EYA4: variants seen among roughly 807,000 people sequenced by gnomAD.
EYA4 encodes the protein EYA transcriptional coactivator and phosphatase 4, also known as protein phosphatase EYA4.
Under a neutral mutation model 87.9 loss-of-function variants are expected in EYA4, and 31 were observed. The ratio of observed to expected loss-of-function variants is 0.35; its 90% confidence interval spans 0.27 to 0.48. EYA4 has a LOEUF of 0.48. EYA4 is among the 20% of genes least tolerant of loss of function. The pLI is 0.99. For synonymous variants in EYA4, 263 were observed against 270.6 expected, an observed-to-expected ratio of 0.97 and a Z score of 0.28; for missense variants, 678 against 761.4, an observed-to-expected ratio of 0.89 and a Z score of 1.29.
intron 2 of EYA4, among the ~76,000 whole-genome samples, chr6:133,306,285 G>A (rs1258883316): frequency 2.6e-5 from 4 of 152,142 alleles, no homozygotes; most frequent in African/African-American, 9.7e-5. Flanking sequence ...TTCTTGCTGA[G>A]TAGATCACCC....
intron 1 of EYA4, among the ~76,000 whole-genome samples, chr6:133,253,309 C>G: frequency 6.6e-6 from 1 of 152,092 alleles, no homozygotes; most frequent in East Asian, 1.9e-4. Flanking sequence ...ACAGGTCCAT[C>G]CAGGCACTTT....
intron 1 of EYA4, among the ~76,000 whole-genome samples, chr6:133,268,909 A>G (rs1776451389): frequency 6.6e-6 from 1 of 152,142 alleles, no homozygotes; most frequent in Non-Finnish European, 1.5e-5. Flanking sequence ...CTGTCCCAAC[A>G]CAAAAACACC....
intron 14 of EYA4, among the ~76,000 whole-genome samples, chr6:133,507,603 C>T (rs1798759737): frequency 6.6e-6 from 1 of 152,252 alleles, no homozygotes; most frequent in East Asian, 1.9e-4. Flanking sequence ...TCAACTCCCA[C>T]TTATGAGTGA....
At chr6:133,265,525 G>T (rs904343303) in intron 1 of EYA4, among the ~76,000 whole-genome samples, 1 of 152,090 alleles carries the variant, frequency 6.6e-6, no homozygotes, top group African/African-American at 2.4e-5. Flanking sequence ...AAAACTAAAT[G>T]TTAAAGGAAT....
At chr6:133,267,049 G>A (rs1162813341) in intron 1 of EYA4, among the ~76,000 whole-genome samples, 1 of 152,132 alleles carries the variant, frequency 6.6e-6, no homozygotes, top group African/African-American at 2.4e-5. Context: ...ATCTGTAGAA[G>A]AAGTGAAAGA....
chr6:133,302,238 A>G (rs1422300959), intron 2 of EYA4, among the ~76,000 whole-genome samples: 1 of 152,140 alleles, frequency 6.6e-6, no homozygotes, highest in Non-Finnish European at 1.5e-5. Context: ...TTTTAAATAA[A>G]TAAATAAACC....
intron 11 of EYA4, among the ~76,000 whole-genome samples, chr6:133,476,448 ACTT>A (rs375727687): frequency 1.4e-3 from 219 of 151,924 alleles, no homozygotes; most frequent in African/African-American, 4.6e-3. Flanking sequence ...CATCTTACTC[ACTT>A]CTTCTACGAG....
intron 2 of EYA4, among the ~76,000 whole-genome samples, chr6:133,362,482 T>G (rs987793374): frequency 6.6e-6 from 1 of 152,162 alleles, no homozygotes; most frequent in African/African-American, 2.4e-5. Context: ...ATTCTTTTGG[T>G]GAAGCAGTGA....
chr6:133,386,142 A>G (rs1056207541), intron 3 of EYA4, among the ~76,000 whole-genome samples: 1 of 152,188 alleles, frequency 6.6e-6, no homozygotes, highest in Non-Finnish European at 1.5e-5. Flanking sequence ...GAAAAACAAA[A>G]TTAATATCCT....
intron 13 of EYA4, among the ~76,000 whole-genome samples, chr6:133,503,264 C>A (rs958668881): frequency 6.6e-6 from 1 of 152,118 alleles, no homozygotes; most frequent in Non-Finnish European, 1.5e-5. Flanking sequence ...AAGTAACAAT[C>A]AAAAGGAACA....
chr6:133,420,303 G>C (rs1790108702), intron 3 of EYA4, among the ~76,000 whole-genome samples: 1 of 152,220 alleles, frequency 6.6e-6, no homozygotes, highest in South Asian at 2.1e-4. Context: ...ACTATAGAAA[G>C]AAGGGGTACC....
At chr6:133,467,125 T>C (rs779772296) in intron 10 of EYA4, among the ~76,000 whole-genome samples, 1 of 152,094 alleles carries the variant, frequency 6.6e-6, no homozygotes, top group Non-Finnish European at 1.5e-5. Context: ...CTTTGAGATA[T>C]GTTTGAATAT....
At chr6:133,417,874 A>G (rs371446888) in intron 3 of EYA4, among the ~76,000 whole-genome samples, 1 of 152,166 alleles carries the variant, frequency 6.6e-6, no homozygotes, top group African/African-American at 2.4e-5. Flanking sequence ...TGTTCTTTCC[A>G]CAGGCGCCCT....
intron 1 of EYA4, among the ~76,000 whole-genome samples, chr6:133,258,304 G>C (rs988631049): frequency 6.6e-6 from 1 of 152,216 alleles, no homozygotes; most frequent in Non-Finnish European, 1.5e-5. Flanking sequence ...TCAGTCAAGA[G>C]AGAGGGGGCA....
At chr6:133,451,130 A>G (rs561743105) in intron 5 of EYA4, among the ~76,000 whole-genome samples, 5 of 152,350 alleles carry the variant, frequency 3.3e-5, no homozygotes, top group Admixed American at 3.3e-4. Flanking sequence ...ATTGTTGCAC[A>G]AAAGCAGCCA....
At chr6:133,481,675 CCATT>C (rs1299373863) in intron 12 of EYA4, 76 bp downstream of exon 12, 18 of 1,506,682 alleles carry the variant, frequency 1.2e-5, no homozygotes, top group Non-Finnish European at 1.6e-5. Context: ...TCTTACAGTT[CCATT>C]ATGTTTCAAA....
At chr6:133,475,094 A>G (rs1795610398) in intron 11 of EYA4, among the ~76,000 whole-genome samples, 1 of 152,078 alleles carries the variant, frequency 6.6e-6, no homozygotes. Flanking sequence ...GCAATTTTGT[A>G]ATGACTGATG....
intron 2 of EYA4, among the ~76,000 whole-genome samples, chr6:133,378,939 G>GTT (rs1196090930): frequency 4.5e-4 from 68 of 151,076 alleles, no homozygotes; most frequent in African/African-American, 1.6e-3. Flanking sequence ...GTGTGTGTGT[G>GTT]TGTGTGTGTG....
At chr6:133,274,929 T>C (rs1441979852) in intron 2 of EYA4, 116 bp downstream of exon 2, 2 of 831,056 alleles carry the variant, frequency 2.4e-6, no homozygotes, top group Non-Finnish European at 3.9e-6. Context: ...TTTTAAATGA[T>C]TTTTGAATTT....
Sources: gnomAD v4.1 joint callset for allele counts (sites outside exome capture counted in the v4.1 genomes callset) on GRCh38, gnomAD v4.1.1 for gene constraint, MANE v1.5 for transcripts, NCBI Gene and HGNC (gene_info 2026-07-23, HGNC 2026-07-21) for gene names.